The following SCN10A variants were observed in gnomAD, a reference collection of about 807,000 sequenced individuals.
SCN10A encodes sodium channel protein type 10 subunit alpha.
In SCN10A, 162 loss-of-function variants were observed where a neutral mutation model predicts 170.7. The observed-to-expected ratio is 0.95, with a 90% CI of 0.84 to 1.08. SCN10A has a LOEUF of 1.08. Among genes scored for constraint, SCN10A ranks in the 50% least tolerant of loss-of-function variants. SCN10A has a pLI of 0.00. For synonymous variants in SCN10A, 985 were observed against 904.6 expected (o/e 1.09, Z -1.59); for missense variants, 2,527 against 2,436.9 (o/e 1.04, Z -0.78).
rs556798151 is a variant in SCN10A at position 38,791,233 on chromosome 3, C to T, written c.389+817G>A. Among the ~76,000 whole-genome samples, 8 of 152,266 alleles carry T rather than the reference C, an allele frequency of 5.3e-5. No homozygotes were observed. The South Asian group carries it at 1.5e-3, about 28-fold the overall frequency. On this transcript the variant is annotated intron_variant, in intron 3 of 27. Coordinates refer to ENST00000449082, the MANE Select transcript of SCN10A (RefSeq NM_006514.4). ...TGTCATAAAGAACTTCCAATCCTTC[C>T]GATGACCAAGGATCTTAGGTCATTA... is the stretch of plus-strand genomic sequence containing the variant.
intron 4 of SCN10A, among the ~76,000 whole-genome samples, chr3:38,773,258 G>A (rs967563832): frequency 2.0e-5 from 3 of 152,076 alleles, no homozygotes; most frequent in African/African-American, 2.4e-5. Context: ...CTTGAACCCA[G>A]GAGTTTGAGG....
At chr3:38,733,476 A>G (rs1480371061) in intron 15 of SCN10A, among the ~76,000 whole-genome samples, 1 of 152,232 alleles carries the variant, frequency 6.6e-6, no homozygotes, top group Admixed American at 6.5e-5. Context: ...TCATTACAAT[A>G]AATTGGGAAA....
At chr3:38,810,771 G>A (rs1207193200) in intron 1 of SCN10A, among the ~76,000 whole-genome samples, 1 of 152,168 alleles carries the variant, frequency 6.6e-6, no homozygotes, top group Non-Finnish European at 1.5e-5. Flanking sequence ...CATACCCCAA[G>A]CAGGTTTGTT....
chr3:38,791,977 C>G lies in SCN10A; in HGVS notation c.389+73G>C. On this transcript the variant is annotated intron_variant, in intron 3 of 27. Transcript: ENST00000449082. ...TGGATAAGGGCTCTGTTGCTAACCT[C>G]TAAAGAAGGTACTGGACACAGTAGG... 2 of 1,558,244 alleles carry G rather than the reference C, an allele frequency of 1.3e-6. 1 individual carries two copies. The highest frequency in any genetic ancestry group is 2.4e-5 in the South Asian group (2 of 83,182).
intron 26 of SCN10A, among the ~76,000 whole-genome samples, chr3:38,703,961 G>A (rs1406894550): frequency 6.6e-6 from 1 of 152,116 alleles, no homozygotes; most frequent in Non-Finnish European, 1.5e-5. Context: ...AGACAGAATG[G>A]GCAGCTCTGA....
Position 38,741,251 on chromosome 3 carries a change from C to A in SCN10A, c.2106+1040G>T, listed in dbSNP as rs568771006. Among the ~76,000 whole-genome samples the A allele has an allele frequency of 1.1e-4, 16 of 151,702 alleles. No homozygotes were observed. In the East Asian group the frequency reaches 3.1e-3, roughly 29 times the overall value. ...GCGGACATGAAGGCAGGATGCTGAC[C>A]CTTTCTAGCTTCTGCCTATCATGTG... On this transcript the variant is annotated intron_variant, in intron 14 of 27. Coordinates refer to ENST00000449082, the MANE Select transcript of SCN10A (RefSeq NM_006514.4).
intron 10 of SCN10A, 46 bp from the exon 11 acceptor site, chr3:38,756,004 C>G: frequency 1.2e-6 from 2 of 1,608,472 alleles, no homozygotes; most frequent in South Asian, 2.2e-5. Context: ...TTTGCTTGGA[C>G]TTAGCATGAA....
At position 38,714,080 on chromosome 3, in the gene SCN10A, T is replaced by G. The variant is rs943479967; in HGVS notation, c.3682A>C (p.Ile1228Leu). 5.0e-6 allele frequency: 8 copies of G among 1,614,024 alleles called. No homozygotes were observed. In the Admixed American group the frequency reaches 6.7e-5, roughly 13 times the overall value. ...TTCGCTGTGAGACTTATCAGTGAGA[T>G]CTGAGTGCAGGAGAGGGCAGAAACA... ...WCWLDFLIVN[I>L]SLISLTAKIL... The change falls in exon 22 of 28, where the codon ATC (isoleucine) becomes CTC (leucine). Residue 1228 changes from isoleucine to leucine, a missense_variant and splice_region_variant. Physicochemically the swap from Ile to Leu is conservative, Grantham distance 5. Transcript: ENST00000449082.
At chr3:38,780,441 A>T (rs1360164758) in intron 4 of SCN10A, among the ~76,000 whole-genome samples, 1 of 152,092 alleles carries the variant, frequency 6.6e-6, no homozygotes, top group Admixed American at 6.6e-5. Flanking sequence ...ATAGGTGAGT[A>T]AAATCCATTT....
intron 21 of SCN10A, among the ~76,000 whole-genome samples, chr3:38,714,484 TG>T (rs1488753922): frequency 1.3e-5 from 2 of 152,212 alleles, no homozygotes; most frequent in African/African-American, 4.8e-5. Flanking sequence ...GAGTCTATTC[TG>T]AGGAATATAG....
At chr3:38,743,289 G>T (rs77833542) in intron 13 of SCN10A, among the ~76,000 whole-genome samples, 159 of 152,254 alleles carry the variant, frequency 1.0e-3, no homozygotes, top group African/African-American at 3.7e-3. Flanking sequence ...TGCGTGGGTG[G>T]CTCTACCCCT....
rs2063609927 is a variant in SCN10A at position 38,739,676 on chromosome 3, A to G, written c.2119T>C (p.Phe707Leu). The change falls in exon 15 of 28, where the codon TTT (phenylalanine) becomes CTT (leucine). Residue 707 changes from phenylalanine (F) to leucine (L), a missense_variant. Coordinates refer to ENST00000449082, the MANE Select transcript of SCN10A (RefSeq NM_006514.4). ...TTGAAGACCATTTCAGCAGTAAAAA[A>G]TATGGTAAAGACCTAGGAGTGGAAA... ...LQIGNIVFTIFFTAEMVFKII... is the reference protein window; with the variant it reads ...LQIGNIVFTILFTAEMVFKII... 1.2e-6 allele frequency: 2 copies of G among 1,613,942 alleles called. No homozygotes were observed. The highest frequency in any genetic ancestry group is 1.6e-4 in the Middle Eastern group (1 of 6,084).
chr3:38,722,340 C>A lies in SCN10A; in HGVS notation c.3425G>T (p.Arg1142Leu), dbSNP rs200584416. 6.2e-7 allele frequency: 1 copy of A among 1,614,052 alleles called. No individual in the cohort carries two copies. The highest frequency in any genetic ancestry group is 8.5e-7 in the Non-Finnish European group (1 of 1,180,002). The change falls in exon 20 of 28, where the codon CGC becomes CTC. Residue 1142 changes from arginine (R) to leucine (L), a missense_variant. Physicochemically the swap from Arg to Leu is moderately radical, Grantham distance 102. Coordinates refer to ENST00000449082, the MANE Select transcript of SCN10A (RefSeq NM_006514.4). Reference protein sequence around the residue: ...KSPWDVGWQVRKTCYRIVEHS... With the variant: ...KSPWDVGWQVLKTCYRIVEHS... ...CTCCACGATACGGTAGCAAGTCTTG[C>A]GCACCTGCCAGCCCACATCCCATGG...
At chr3:38,779,810 A>C (rs1224129278) in intron 4 of SCN10A, among the ~76,000 whole-genome samples, 5 of 152,056 alleles carry the variant, frequency 3.3e-5, no homozygotes, top group African/African-American at 1.2e-4. Flanking sequence ...TCAAGTGGAA[A>C]GTCCTCTCAT....
chr3:38,759,925 GT>G (rs1033528723), intron 8 of SCN10A, among the ~76,000 whole-genome samples: 18 of 152,328 alleles, frequency 1.2e-4, no homozygotes, highest in African/African-American at 4.3e-4. Flanking sequence ...TGATACATGT[GT>G]TTTTTCCTCT....
intron 25 of SCN10A, 135 bp from the exon 26 acceptor site, chr3:38,707,518 A>C (rs1464321015): frequency 7.0e-6 from 6 of 852,630 alleles, no homozygotes; most frequent in Non-Finnish European, 1.1e-5. Flanking sequence ...CCCAGCATCA[A>C]GGAGTGTCTT....
intron 15 of SCN10A, among the ~76,000 whole-genome samples, chr3:38,733,118 G>A (rs1055795195): frequency 3.9e-5 from 6 of 152,162 alleles, no homozygotes; most frequent in African/African-American, 1.4e-4. Flanking sequence ...GGCAATGAGA[G>A]GTCTGAAGCC....
intron 1 of SCN10A, among the ~76,000 whole-genome samples, chr3:38,798,786 C>CTTT (rs35930968): frequency 0.38 from 36,521 of 97,238 alleles, 7,983 homozygotes; most frequent in Admixed American, 0.44. Flanking sequence ...CCCTTGCCTC[C>CTTT]TTTTTTTTTT....
chr3:38,816,012 G>GAC (rs778481465), intron 1 of SCN10A, 25 bp downstream of exon 1: 26 of 152,208 alleles, frequency 1.7e-4, no homozygotes, highest in Non-Finnish European at 2.5e-4. Context: ...GTTAGCCACA[G>GAC]ACTAACAAAG....
Sources: allele counts gnomAD v4.1 joint callset (sites outside exome capture counted in the v4.1 genomes callset), GRCh38; gene constraint gnomAD v4.1.1; transcripts MANE v1.5; gene names NCBI Gene and HGNC (gene_info 2026-07-23, HGNC 2026-07-21).